The following TEK variants were observed in gnomAD, a reference collection of about 807,000 sequenced individuals.
TEK encodes TEK receptor tyrosine kinase.
A neutral mutation model predicts 131.8 loss-of-function variants in TEK; 43 were observed. That is an observed-to-expected ratio of 0.33 (90% CI 0.26 to 0.42). TEK has a LOEUF of 0.42. TEK is among the 10% of genes least tolerant of loss of function. The probability of loss-of-function intolerance (pLI) is 1.00; values close to 1 mark genes in which losing one functional copy is unlikely to be tolerated. For missense variants in TEK, 1,162 were observed against 1,384.4 expected (o/e 0.84, Z 2.55); for synonymous variants, 580 against 491.6 (o/e 1.18, Z -2.38).
At position 27,180,268 on chromosome 9, in the gene TEK, T is replaced by C. The variant is rs139143068; in HGVS notation, c.930T>C (p.Asp310=). ...EACHPGFYGP[D]CKLRCSCNNG... ...GCCACCCTGGTTTTTACGGGCCAGATTGTAAGCTTAGGTGCAGCTGCAACA... is the reference window on the plus strand; with the variant it reads ...GCCACCCTGGTTTTTACGGGCCAGACTGTAAGCTTAGGTGCAGCTGCAACA... The change falls in exon 7 of 23, where the codon GAT becomes GAC. Residue 310 remains aspartate, a synonymous_variant. Transcript: ENST00000380036. 1.4e-5 allele frequency: 23 copies of C among 1,613,792 alleles called. No individual in the cohort carries two copies. The African/African-American group carries it at 2.8e-4, about 20-fold the overall frequency.
At chr9:27,121,138 A>G (rs988359734) in intron 1 of TEK, among the ~76,000 whole-genome samples, 4 of 152,100 alleles carry the variant, frequency 2.6e-5, no homozygotes, top group Non-Finnish European at 5.9e-5. Context: ...CCTGACCAAC[A>G]TGGCGAAACC....
intron 1 of TEK, among the ~76,000 whole-genome samples, chr9:27,155,823 T>A (rs929680811): frequency 1.3e-5 from 2 of 151,538 alleles, no homozygotes; most frequent in African/African-American, 4.8e-5. Context: ...ACTTTTGTTT[T>A]TTTTTTTTTT....
rs1359236961 is a variant in TEK at position 27,172,683 on chromosome 9, C to T, written c.696C>T (p.Val232=). The part of the protein sequence containing the change: ...HLCTACMNNG[V]CHEDTGECIC... Reference sequence around the variant, plus strand: ...GTACTGCTTGTATGAACAATGGTGTCTGCCATGAAGATACTGGAGAATGCA... The same window carrying T: ...GTACTGCTTGTATGAACAATGGTGTTTGCCATGAAGATACTGGAGAATGCA... Residue 232 remains valine, a synonymous_variant, in exon 5 of 23, where the codon GTC becomes GTT. Transcript: ENST00000380036. 16 of 1,613,608 alleles carry T rather than the reference C, an allele frequency of 9.9e-6. No individual in the cohort carries two copies. Among genetic ancestry groups the T allele is most frequent in the African/African-American group, 1.3e-5 (1 of 74,890 alleles).
At chr9:27,208,651 C>T (rs1270294449) in intron 15 of TEK, among the ~76,000 whole-genome samples, 1 of 152,176 alleles carries the variant, frequency 6.6e-6, no homozygotes, top group Non-Finnish European at 1.5e-5. Flanking sequence ...GGTGATGTTT[C>T]ATGGAAACTT....
chr9:27,186,020 A>G (rs1283291083), intron 9 of TEK, among the ~76,000 whole-genome samples: 1 of 152,200 alleles, frequency 6.6e-6, no homozygotes, highest in Non-Finnish European at 1.5e-5. Context: ...ATTATATTTC[A>G]CAAGAAGGTT....
chr9:27,228,911 C>T (rs558236127), intron 22 of TEK, among the ~76,000 whole-genome samples: 2 of 152,254 alleles, frequency 1.3e-5, no homozygotes, highest in South Asian at 2.1e-4. Context: ...ACCAATAAGA[C>T]ACTGTGAGAA....
At chr9:27,110,902 A>G (rs1821316027) in intron 1 of TEK, among the ~76,000 whole-genome samples, 1 of 107,052 alleles carries the variant, frequency 9.3e-6, no homozygotes, top group African/African-American at 3.2e-5. Flanking sequence ...AATAATTATC[A>G]TGATTCCATT....
Position 27,229,608 on chromosome 9 carries a change from T to G in TEK, c.*376T>G, listed in dbSNP as rs946505704. ...TGTTGAATGCTATTAAATGTTTTCC[T>G]GTGTCAAAGTAAAATATTGTTAATA... On this transcript the variant is annotated 3_prime_UTR_variant, in exon 23 of 23. Coordinates refer to ENST00000380036, the MANE Select transcript of TEK (RefSeq NM_000459.5). 3.8e-5 allele frequency: 10 copies of G among 260,092 alleles called. No individual in the cohort carries two copies. The highest frequency in any genetic ancestry group is 2.2e-4 in the African/African-American group (10 of 45,680). The allele number at this position is 260,092 out of a possible 1,614,324, so 16.1% of individuals were successfully genotyped here.
chr9:27,184,426 A>G (rs919993110), intron 8 of TEK, among the ~76,000 whole-genome samples: 20 of 152,138 alleles, frequency 1.3e-4, no homozygotes, highest in African/African-American at 4.3e-4. Flanking sequence ...TTTTTCTATC[A>G]AAGATGACCA....
chr9:27,172,792 A>C, intron 5 of TEK, 45 bp downstream of exon 5: 1 of 1,610,232 alleles, frequency 6.2e-7, no homozygotes, highest in Non-Finnish European at 8.5e-7. Flanking sequence ...TTAAAAAGCC[A>C]TCGTTGCTGG....
chr9:27,128,560 C>T (rs1039593560), intron 1 of TEK, among the ~76,000 whole-genome samples: 1 of 152,132 alleles, frequency 6.6e-6, no homozygotes, highest in Non-Finnish European at 1.5e-5. Context: ...CTATAAATTA[C>T]TTGGGGCAGT....
intron 4 of TEK, among the ~76,000 whole-genome samples, chr9:27,170,044 CA>C (rs921001447): frequency 5.3e-5 from 8 of 152,088 alleles, no homozygotes; most frequent in African/African-American, 1.9e-4. Context: ...AATTTACAAT[CA>C]TGGCAAAAGA....
At chr9:27,117,092 C>A (rs1021058785) in intron 1 of TEK, among the ~76,000 whole-genome samples, 1 of 151,946 alleles carries the variant, frequency 6.6e-6, no homozygotes, top group African/African-American at 2.4e-5. Flanking sequence ...GTCTCGATCT[C>A]CTGACCTAGT....
At chr9:27,181,767 C>T (rs1824385614) in intron 7 of TEK, among the ~76,000 whole-genome samples, 1 of 152,136 alleles carries the variant, frequency 6.6e-6, no homozygotes, top group Admixed American at 6.6e-5. Flanking sequence ...GTAGAATATA[C>T]TTTTTAAAAT....
chr9:27,219,334 G>A (rs1251071290), intron 20 of TEK, among the ~76,000 whole-genome samples: 2 of 152,148 alleles, frequency 1.3e-5, no homozygotes, highest in Non-Finnish European at 2.9e-5. Context: ...CGTGTCCTTT[G>A]CAGGACCATG....
intron 21 of TEK, among the ~76,000 whole-genome samples, chr9:27,223,763 A>C (rs887616072): frequency 2.0e-5 from 3 of 152,212 alleles, no homozygotes; most frequent in African/African-American, 7.2e-5. Flanking sequence ...GAAATAACTA[A>C]GATCAGAGCA....
intron 5 of TEK, 129 bp downstream of exon 5, chr9:27,172,876 G>C: frequency 7.7e-7 from 1 of 1,290,844 alleles, no homozygotes; most frequent in Non-Finnish European, 1.1e-6. Flanking sequence ...TGGTACCTGT[G>C]TGTGAATTAG....
intron 19 of TEK, 112 bp from the exon 20 acceptor site, chr9:27,218,665 C>T (rs1233695156): frequency 1.2e-5 from 13 of 1,067,080 alleles, no homozygotes; most frequent in African/African-American, 4.7e-5. Context: ...AGGATGTAGA[C>T]ATTTAACATC....
intron 6 of TEK, among the ~76,000 whole-genome samples, chr9:27,177,788 T>G (rs373404645): frequency 6.6e-6 from 1 of 152,110 alleles, no homozygotes; most frequent in South Asian, 2.1e-4. Context: ...TCTATTCAGG[T>G]CCTTTGTCCA....
Sources: allele counts gnomAD v4.1 joint callset (sites outside exome capture counted in the v4.1 genomes callset), GRCh38; gene constraint gnomAD v4.1.1; transcripts MANE v1.5; gene names NCBI Gene and HGNC (gene_info 2026-07-23, HGNC 2026-07-21).